Variants in PAPPA2 observed in about 807,000 individuals in gnomAD.
PAPPA2 encodes pappalysin 2.
In PAPPA2, 86 loss-of-function variants were observed where a neutral mutation model predicts 176.4. The ratio of observed to expected loss-of-function variants is 0.49; its 90% CI spans 0.41 to 0.58. The LOEUF is 0.58. Ranked by LOEUF, PAPPA2 falls within the 20% of genes least tolerant of loss-of-function variation. The probability of loss-of-function intolerance (pLI) is 0.00; values close to 1 mark genes in which losing one functional copy is unlikely to be tolerated. For synonymous variants in PAPPA2, 809 were observed against 852.2 expected, an observed-to-expected ratio of 0.95 and a Z score of 0.88; for missense variants, 2,073 against 2,256.9, an observed-to-expected ratio of 0.92 and a Z score of 1.65.
intron 12 of PAPPA2, 33 bp downstream of exon 12, chr1:176,712,014 GA>G: frequency 6.3e-7 from 1 of 1,596,308 alleles, no homozygotes; most frequent in Non-Finnish European, 8.6e-7. Context: ...TTGTGCATGT[GA>G]AAGGTGTAAG....
At chr1:176,779,873 C>A (rs1664637645) in intron 17 of PAPPA2, among the ~76,000 whole-genome samples, 1 of 152,176 alleles carries the variant, frequency 6.6e-6, no homozygotes, top group African/African-American at 2.4e-5. Context: ...CCACTAAAGG[C>A]CTGCTGAAGC....
At chr1:176,808,887 A>T (rs1422193896) in intron 21 of PAPPA2, among the ~76,000 whole-genome samples, 1 of 152,222 alleles carries the variant, frequency 6.6e-6, no homozygotes, top group Admixed American at 6.5e-5. Context: ...AAACATGTTC[A>T]TGTATTGAAT....
At chr1:176,668,275 A>G (rs1317800858) in intron 3 of PAPPA2, among the ~76,000 whole-genome samples, 3 of 152,182 alleles carry the variant, frequency 2.0e-5, no homozygotes, top group Non-Finnish European at 4.4e-5. Context: ...CCTTATCTAG[A>G]GCATAGAGAG....
intron 1 of PAPPA2, among the ~76,000 whole-genome samples, chr1:176,518,452 T>TAAAAAAAA (rs368157026): frequency 4.1e-5 from 5 of 121,728 alleles, no homozygotes; most frequent in Admixed American, 8.7e-5. Flanking sequence ...GCTTGACAGG[T>TAAAAAAAA]AAAAAAAAAA....
intron 3 of PAPPA2, among the ~76,000 whole-genome samples, chr1:176,625,710 A>T (rs759053353): frequency 1.3e-5 from 2 of 152,212 alleles, no homozygotes; most frequent in Non-Finnish European, 2.9e-5. Context: ...TATTATAAAA[A>T]TGTCATATGT....
intron 17 of PAPPA2, among the ~76,000 whole-genome samples, chr1:176,774,669 C>T (rs769682179): frequency 4.1e-4 from 62 of 152,138 alleles, no homozygotes; most frequent in Non-Finnish European, 6.2e-4. Context: ...AACATATTCA[C>T]CACTTTGCAG....
chr1:176,818,106 A>T (rs985476866), intron 21 of PAPPA2, among the ~76,000 whole-genome samples: 3 of 152,172 alleles, frequency 2.0e-5, no homozygotes, highest in African/African-American at 7.2e-5. Flanking sequence ...GGAAAAAGAA[A>T]TGGTGAAGAG....
chr1:176,704,135 G>C, intron 9 of PAPPA2, among the ~76,000 whole-genome samples: 1 of 148,910 alleles, frequency 6.7e-6, no homozygotes, highest in East Asian at 2.0e-4. Context: ...TGTGGGGCTT[G>C]AAAGGGGTGG....
At chr1:176,601,774 C>T (rs1162889950) in intron 3 of PAPPA2, among the ~76,000 whole-genome samples, 1 of 152,176 alleles carries the variant, frequency 6.6e-6, no homozygotes, top group Non-Finnish European at 1.5e-5. Flanking sequence ...TTTCTGTACC[C>T]TCAGGGGAAC....
At chr1:176,624,511 A>G (rs1168120878) in intron 3 of PAPPA2, among the ~76,000 whole-genome samples, 1 of 152,182 alleles carries the variant, frequency 6.6e-6, no homozygotes, top group Non-Finnish European at 1.5e-5. Flanking sequence ...TTAGCAAGGT[A>G]CTTAAGACCT....
At chr1:176,652,309 G>T (rs1657774082) in intron 3 of PAPPA2, among the ~76,000 whole-genome samples, 1 of 151,684 alleles carries the variant, frequency 6.6e-6, no homozygotes, top group African/African-American at 2.4e-5. Flanking sequence ...TATTGGATAT[G>T]TTTGCTTAGA....
At chr1:176,539,662 T>A (rs566475180) in intron 1 of PAPPA2, among the ~76,000 whole-genome samples, 1 of 152,202 alleles carries the variant, frequency 6.6e-6, no homozygotes, top group South Asian at 2.1e-4. Flanking sequence ...TTTGGGCATA[T>A]GAGTAGGAGA....
rs756603225 is a variant in PAPPA2 at position 176,554,996 on chromosome 1, TGTGTGAGA to T, written c.-916-409_-916-402del. Among the ~76,000 whole-genome samples, 429 of 103,650 alleles carry T rather than the reference TGTGTGAGA, an allele frequency of 4.1e-3. 2 individuals carry two copies. Among genetic ancestry groups the T allele is most frequent in the East Asian group, 9.5e-3 (13 of 1,362 alleles). The allele number at this position is 103,650 out of a possible 152,430, so 68.0% of individuals were successfully genotyped here. On this transcript the variant is annotated intron_variant, in intron 1 of 22. Coordinates refer to ENST00000367662, the MANE Select transcript of PAPPA2 (RefSeq NM_020318.3). ...AAGTGTGTGTGTGTGTGTGTGTGTG[TGTGTGAGA>T]GAGAGAGAGAGAGAGAGAGGGAGAA...
At chr1:176,705,491 T>A (rs1359527) in intron 9 of PAPPA2, among the ~76,000 whole-genome samples, 27,821 of 152,102 alleles carry the variant, frequency 0.18, 2,704 homozygotes, top group African/African-American at 0.25. Context: ...TCTACTGAGT[T>A]AAAATATATG....
chr1:176,802,089 C>T (rs1665707720), intron 21 of PAPPA2, among the ~76,000 whole-genome samples: 1 of 152,164 alleles, frequency 6.6e-6, no homozygotes, highest in African/African-American at 2.4e-5. Flanking sequence ...CCCCCGAATA[C>T]CTACTCGATC....
At chr1:176,498,880 C>G (rs889854809) in intron 1 of PAPPA2, among the ~76,000 whole-genome samples, 6 of 152,138 alleles carry the variant, frequency 3.9e-5, no homozygotes, top group Non-Finnish European at 5.9e-5. Flanking sequence ...TGGAGCCACT[C>G]ACACCTAAGG....
At position 176,483,142 on chromosome 1, in the gene PAPPA2, A is replaced by G. The variant is rs74481942; in HGVS notation, c.-917+19724A>G. Among the ~76,000 whole-genome samples, 808 of 152,110 alleles carry G rather than the reference A, an allele frequency of 5.3e-3. 7 individuals carry two copies. Among genetic ancestry groups the G allele is most frequent in the African/African-American group, 0.018 (767 of 41,508 alleles). ...CTTCTCTAGTCTTGCCATGTTTTCT[A>G]TACTTGGGATTCCAGGTCCCCTACC... On this transcript the variant is annotated intron_variant, in intron 1 of 22. Coordinates refer to ENST00000367662, the MANE Select transcript of PAPPA2 (RefSeq NM_020318.3).
In PAPPA2 at chr1:176,573,165, A is replaced by G. The variant is rs942249389; in HGVS notation, c.919+15924A>G. The stretch of plus-strand genomic sequence containing the variant: ...CTAAGCTATCTTATCAAGGTTAAGG[A>G]ATGTGGCCCACTTCACACCCCCTAA... On this transcript the variant is annotated intron_variant, in intron 2 of 22. Transcript: ENST00000367662. 3.3e-5 allele frequency among the ~76,000 whole-genome samples: 5 copies of G among 152,068 alleles called. No homozygotes were observed. The East Asian group carries it at 9.6e-4, about 29-fold the overall frequency.
At chr1:176,773,659 C>T (rs1664329708) in intron 17 of PAPPA2, among the ~76,000 whole-genome samples, 1 of 152,108 alleles carries the variant, frequency 6.6e-6, no homozygotes, top group African/African-American at 2.4e-5. Flanking sequence ...TGTTTTGAGG[C>T]TGAATGTCAG....
Sources: gnomAD v4.1 joint callset for allele counts (sites outside exome capture counted in the v4.1 genomes callset) on GRCh38, gnomAD v4.1.1 for gene constraint, MANE v1.5 for transcripts, NCBI Gene and HGNC (gene_info 2026-07-23, HGNC 2026-07-21) for gene names.